The following CTBP2 variants were observed in gnomAD, a reference collection of about 807,000 sequenced individuals.
CTBP2 encodes C-terminal-binding protein 2.
Under a neutral mutation model 80.3 loss-of-function variants are expected in CTBP2, and 30 were observed. That is an observed-to-expected ratio of 0.37 (90% CI 0.28 to 0.51). CTBP2 has a LOEUF of 0.51. Among genes scored for constraint, CTBP2 ranks in the 20% least tolerant of loss-of-function variants. The pLI, the probability that CTBP2 is intolerant of heterozygous loss-of-function variation, is 0.93. For synonymous variants in CTBP2, 594 were observed against 587.4 expected (o/e 1.01, Z -0.16); for missense variants, 1,212 against 1,375.3 (o/e 0.88, Z 1.88).
chr10:125,003,858 G>C (rs3781440), intron 1 of CTBP2, among the ~76,000 whole-genome samples: 39,927 of 151,890 alleles, frequency 0.26, 6,335 homozygotes, highest in African/African-American at 0.45. Context: ...CACACACTAT[G>C]ACAGGGGATA....
intron 3 of CTBP2, among the ~76,000 whole-genome samples, chr10:125,036,870 G>C (rs1334657777): frequency 6.6e-6 from 1 of 152,116 alleles, no homozygotes; most frequent in Non-Finnish European, 1.5e-5. Flanking sequence ...GCACCTGTGA[G>C]ATGGGTGCCA....
chr10:125,110,845 A>C (rs1343309580), intron 2 of CTBP2, 145 bp downstream of exon 2: 2 of 152,276 alleles, frequency 1.3e-5, no homozygotes, highest in Non-Finnish European at 2.9e-5. Context: ...ATTGAAAGAC[A>C]ATCAATATGA....
rs116058061 is a variant in CTBP2 at position 125,021,038 on chromosome 10, C to T, written c.1678+5044G>A. ...AGTTGTCCCGGCATGGCTCACCCCA[C>T]GTCCTCCATGGACAGAATGAAATCC... is the stretch of plus-strand genomic sequence containing the variant. On this transcript the variant is annotated intron_variant, in intron 1 of 8. Transcript: ENST00000309035. 3.2e-3 allele frequency among the ~76,000 whole-genome samples: 488 copies of T among 152,302 alleles called. 2 individuals are homozygous for T. The highest frequency in any genetic ancestry group is 0.011 in the African/African-American group (464 of 41,564).
At chr10:125,100,671 T>C (rs557789363) in intron 2 of CTBP2, 15 of 152,318 alleles carry the variant, frequency 9.8e-5, no homozygotes, top group Non-Finnish European at 1.9e-4. Flanking sequence ...GAGATAAGGA[T>C]GAGAGGAAAA....
intron 1 of CTBP2, among the ~76,000 whole-genome samples, chr10:125,134,338 C>T (rs58032789): frequency 1.7e-4 from 26 of 152,292 alleles, no homozygotes; most frequent in East Asian, 1.5e-3. Context: ...GAAGCCCCCC[C>T]GCCCCGTGCC....
chr10:125,065,818 G>A (rs1043209417), intron 2 of CTBP2, among the ~76,000 whole-genome samples: 4 of 152,098 alleles, frequency 2.6e-5, no homozygotes, highest in Admixed American at 6.6e-5. Flanking sequence ...TGCCATCATC[G>A]GCTGGGTGTG....
chr10:125,098,662 GAGAGAGAGAGA>G (rs1564913584), intron 2 of CTBP2, among the ~76,000 whole-genome samples: 7 of 48,304 alleles, frequency 1.4e-4, no homozygotes, highest in African/African-American at 7.0e-4. Flanking sequence ...GAGGGGGAGA[GAGAGAGAGAGA>G]GAGAGAGAGA....
In CTBP2 at chr10:124,988,688, T is replaced by C. The variant is rs1220339725; in HGVS notation, c.*830A>G. The C allele has an allele frequency of 6.6e-6, 1 of 152,572 alleles. No individual in the cohort carries two copies. Among genetic ancestry groups the C allele is most frequent in the African/African-American group, 2.4e-5 (1 of 41,436 alleles). The allele number at this position is 152,572 out of a possible 1,614,324, so 9.5% of individuals were successfully genotyped here. On this transcript the variant is annotated 3_prime_UTR_variant, in exon 9 of 9. Transcript: ENST00000309035. ...ATCACGTGAAGAAAAGAAGACTTTATCAATGTCTAAAAAAGTGGGTTTGTT... is the reference window on the plus strand; with the variant it reads ...ATCACGTGAAGAAAAGAAGACTTTACCAATGTCTAAAAAAGTGGGTTTGTT...
Position 125,026,343 on chromosome 10 carries a change from G to A in CTBP2, c.1417C>T (p.His473Tyr). The A allele has an allele frequency of 6.2e-7, 1 of 1,613,868 alleles. No homozygotes were observed. Among genetic ancestry groups the A allele is most frequent in the Non-Finnish European group, 8.5e-7 (1 of 1,179,954 alleles). The stretch of plus-strand genomic sequence containing the variant: ...GAGTAGGCTGTTCTGGGGCCTGGGT[G>A]AAGGGGGTTTGAGGGGCCCGGGTTA... The change falls in exon 1 of 9, where the codon CAC becomes TAC. Residue 473 changes from histidine to tyrosine, a missense_variant. Physicochemically the swap from His to Tyr is moderately conservative, Grantham distance 83 (BLOSUM62 2). Transcript: ENST00000309035.
At chr10:125,092,523 A>G (rs1276530588) in intron 2 of CTBP2, among the ~76,000 whole-genome samples, 1 of 152,170 alleles carries the variant, frequency 6.6e-6, no homozygotes, top group Non-Finnish European at 1.5e-5. Context: ...CATAGTCACA[A>G]TCTATGACAG....
intron 2 of CTBP2, among the ~76,000 whole-genome samples, chr10:125,053,438 C>T (rs1167842964): frequency 6.6e-6 from 1 of 152,218 alleles, no homozygotes; most frequent in Non-Finnish European, 1.5e-5. Context: ...CATCCCCCAA[C>T]ACAGCAGTGC....
At position 125,056,113 on chromosome 10, in the gene CTBP2, C is replaced by T. The variant is rs556876081; in HGVS notation, c.-101-16958G>A. Among the ~76,000 whole-genome samples the T allele has an allele frequency of 1.5e-4, 23 of 151,698 alleles. No homozygotes were observed. In the South Asian group the frequency reaches 3.7e-3, roughly 25 times the overall value. On this transcript the variant is annotated intron_variant, in intron 2 of 10. Transcript: ENST00000337195. ...CTGACAGGCAGAGGTTACAGTGTGC[C>T]GAGATCACGCCACTGCACTCCAGCC...
intron 1 of CTBP2, among the ~76,000 whole-genome samples, chr10:125,140,006 C>A (rs1857539664): frequency 6.6e-6 from 1 of 152,160 alleles, no homozygotes; most frequent in African/African-American, 2.4e-5. Context: ...CCTTGCTGAA[C>A]TGTCCCTGAA....
At chr10:125,124,455 G>GCAA (rs952632330) in intron 1 of CTBP2, among the ~76,000 whole-genome samples, 18 of 124,478 alleles carry the variant, frequency 1.4e-4, no homozygotes, top group Non-Finnish European at 2.3e-4. Flanking sequence ...CTATCTGTCA[G>GCAA]CAACAATAAA....
At chr10:125,136,738 C>A (rs566954588) in intron 1 of CTBP2, among the ~76,000 whole-genome samples, 4 of 152,320 alleles carry the variant, frequency 2.6e-5, no homozygotes, top group East Asian at 3.9e-4. Flanking sequence ...CAGGGGCCAA[C>A]GAACTTGAAG....
chr10:125,153,178 T>G (rs559136457), intron 1 of CTBP2, among the ~76,000 whole-genome samples: 2 of 152,266 alleles, frequency 1.3e-5, no homozygotes, highest in African/African-American at 4.8e-5. Context: ...TTCCCAGGGG[T>G]GTCTCCACTC....
At position 125,027,688 on chromosome 10, in the gene CTBP2, GC is replaced by G. The variant is rs760248802; in HGVS notation, c.71del (p.Gly24AlafsTer18). The G allele has an allele frequency of 1.9e-6, 3 of 1,613,768 alleles. No individual in the cohort carries two copies. Among genetic ancestry groups the G allele is most frequent in the Admixed American group, 3.3e-5 (2 of 60,016 alleles). On this transcript the variant is annotated frameshift_variant, in exon 1 of 9. Transcript: ENST00000309035. LOFTEE classifies it high-confidence loss of function. ...GCAGGGACTCGGCGTTCTCCCAGGG[GC>G]CCTCGTACCACCCAGCAGCATCCCA...
intron 2 of CTBP2, 74 bp downstream of exon 4, chr10:125,003,264 G>T: frequency 6.3e-7 from 1 of 1,588,436 alleles, no homozygotes; most frequent in Non-Finnish European, 8.6e-7. Flanking sequence ...GACTTGGGGC[G>T]ATCTAATGGG....
At chr10:125,033,808 T>C (rs1246388012) in intron 3 of CTBP2, among the ~76,000 whole-genome samples, 1 of 152,044 alleles carries the variant, frequency 6.6e-6, no homozygotes, top group Non-Finnish European at 1.5e-5. Context: ...AGTAAAGCCC[T>C]GGGCAGCTGG....
Sources: gnomAD v4.1 joint callset for allele counts (sites outside exome capture counted in the v4.1 genomes callset) on GRCh38, gnomAD v4.1.1 for gene constraint, MANE v1.5 for transcripts, NCBI Gene and HGNC (gene_info 2026-07-23, HGNC 2026-07-21) for gene names.